The following NDE1 variants were observed in gnomAD, a reference collection of about 807,000 sequenced individuals.
NDE1 encodes the protein nuclear distribution protein nudE homolog 1.
NDE1 carries 28 observed loss-of-function variants against 43.4 expected under a neutral mutation model. That is an observed-to-expected ratio of 0.65 (90% CI 0.48 to 0.89). NDE1 has a LOEUF of 0.89. NDE1 is among the 40% of genes least tolerant of loss of function. The pLI, the probability that NDE1 is intolerant of heterozygous loss-of-function variation, is 0.00. For missense variants in NDE1, 441 were observed against 434.1 expected, an observed-to-expected ratio of 1.02 and a Z score of -0.14; for synonymous variants, 184 against 172.0, an observed-to-expected ratio of 1.07 and a Z score of -0.55.
At position 15,708,850 on chromosome 16, in the gene NDE1, G is replaced by A. The variant is rs745371874; in HGVS notation, c.947+11990G>A. Reference sequence around the variant, plus strand: ...CCTGTGGGGGGGGCCCTCTGAAACAGAGAGAGAATCCCCGGAGGTTACCAT... The same window carrying A: ...CCTGTGGGGGGGGCCCTCTGAAACAAAGAGAGAATCCCCGGAGGTTACCAT... On this transcript the variant is annotated intron_variant, in intron 8 of 8. Coordinates refer to ENST00000396354, the MANE Select transcript of NDE1 (RefSeq NM_017668.3). 6 of 1,607,740 alleles carry A rather than the reference G, an allele frequency of 3.7e-6. No individual in the cohort carries two copies. The East Asian group carries it at 1.3e-4, about 36-fold the overall frequency.
At chr16:15,722,304 A>G (rs184067704) in intron 8 of NDE1, among the ~76,000 whole-genome samples, 16 of 152,336 alleles carry the variant, frequency 1.1e-4, no homozygotes, top group African/African-American at 3.8e-4. Context: ...AAGTATCCTA[A>G]GAGCCTCAGT....
intron 8 of NDE1, chr16:15,701,671 TAAAAG>T (rs957597548): frequency 5.9e-5 from 9 of 152,308 alleles, no homozygotes; most frequent in African/African-American, 1.9e-4. Context: ...GGACACGAGT[TAAAAG>T]AACACACTAA....
intron 8 of NDE1, among the ~76,000 whole-genome samples, chr16:15,723,777 G>C (rs2040604375): frequency 6.6e-6 from 1 of 152,158 alleles, no homozygotes; most frequent in African/African-American, 2.4e-5. Context: ...TGAAATCTTA[G>C]GGAAGAGTGG....
intron 8 of NDE1, chr16:15,720,444 C>G: frequency 7.8e-7 from 1 of 1,277,846 alleles, no homozygotes; most frequent in Admixed American, 2.0e-5. Flanking sequence ...TCCCCAGTTG[C>G]AGATGAGAAA....
chr16:15,659,181 G>C (rs112901255), intron 1 of NDE1, among the ~76,000 whole-genome samples: 245 of 152,248 alleles, frequency 1.6e-3, no homozygotes, highest in African/African-American at 5.5e-3. Context: ...GGTTCTGCAT[G>C]AATTAGGCCC....
chr16:15,655,681 T>C (rs2036726256), intron 1 of NDE1, among the ~76,000 whole-genome samples: 1 of 151,974 alleles, frequency 6.6e-6, no homozygotes, highest in Admixed American at 6.6e-5. Flanking sequence ...CATGCACACG[T>C]ATGTTTATTG....
chr16:15,656,924 G>C (rs2036795939), intron 1 of NDE1, among the ~76,000 whole-genome samples: 1 of 152,134 alleles, frequency 6.6e-6, no homozygotes, highest in Admixed American at 6.6e-5. Flanking sequence ...GAAATGTGTA[G>C]AAAACTATGC....
At chr16:15,693,116 C>G (rs1050965591) in intron 6 of NDE1, among the ~76,000 whole-genome samples, 3 of 152,080 alleles carry the variant, frequency 2.0e-5, no homozygotes, top group Non-Finnish European at 4.4e-5. Context: ...ATTCTCATGC[C>G]TCAGCCTCCC....
At position 15,725,294 on chromosome 16, in the gene NDE1, G is replaced by A; in HGVS notation, c.*1043G>A. 1.7e-6 allele frequency: 1 copy of A among 573,200 alleles called. No individual in the cohort carries two copies. Among genetic ancestry groups the A allele is most frequent in the Non-Finnish European group, 3.1e-6 (1 of 323,902 alleles). The allele number at this position is 573,200 out of a possible 1,614,324, so 35.5% of individuals were successfully genotyped here. A position where few individuals can be genotyped will look rare whatever the true frequency, so the allele number is the denominator to read the frequency against. On this transcript the variant is annotated 3_prime_UTR_variant, in exon 9 of 9. Coordinates refer to ENST00000396354, the MANE Select transcript of NDE1 (RefSeq NM_017668.3). ...GACTGGGACCTGATCCCACTAAATG[G>A]ATCCTAGATCCCTGCCAAGGTTGGT...
At chr16:15,678,062 C>T (rs2037978947) in intron 4 of NDE1, 113 bp downstream of exon 4, 26 of 1,333,822 alleles carry the variant, frequency 1.9e-5, no homozygotes, top group Non-Finnish European at 2.1e-5. Context: ...GTGAGCAGAA[C>T]AAAGCCAGTG....
chr16:15,716,118 AAAG>A (rs2040118979), intron 8 of NDE1, among the ~76,000 whole-genome samples: 1 of 151,846 alleles, frequency 6.6e-6, no homozygotes, highest in Non-Finnish European at 1.5e-5. Context: ...TAAAAATAAA[AAAG>A]TCTTGCTATG....
chr16:15,685,839 C>T (rs2038409242), intron 4 of NDE1, among the ~76,000 whole-genome samples: 1 of 151,850 alleles, frequency 6.6e-6, no homozygotes. Context: ...CTGTGGGATA[C>T]AGTTAGCAGG....
chr16:15,716,515 G>GT (rs1286085792), intron 8 of NDE1, among the ~76,000 whole-genome samples: 48 of 151,758 alleles, frequency 3.2e-4, no homozygotes, highest in South Asian at 1.5e-3. Flanking sequence ...GTTTTTTGGG[G>GT]TTTTTTTTGT....
chr16:15,675,427 T>G (rs1191744046), intron 3 of NDE1, among the ~76,000 whole-genome samples: 3 of 149,330 alleles, frequency 2.0e-5, no homozygotes, highest in South Asian at 2.1e-4. Context: ...ATTTTGGGTT[T>G]TTTTTTTTTT....
chr16:15,691,721 A>G (rs536713376), intron 6 of NDE1, among the ~76,000 whole-genome samples: 1 of 150,174 alleles, frequency 6.7e-6, no homozygotes, highest in African/African-American at 2.5e-5. Context: ...GCTCACTGCA[A>G]CCTCTTCATC....
chr16:15,701,995 T>G (rs1001650086), intron 8 of NDE1: 1 of 152,234 alleles, frequency 6.6e-6, no homozygotes, highest in African/African-American at 2.4e-5. Flanking sequence ...GTGAAAAACT[T>G]TTTTTAACCA....
rs558517270 is a variant in NDE1 at position 15,716,014 on chromosome 16, C to T, written c.948-8177C>T. Among the ~76,000 whole-genome samples, 7 of 152,238 alleles carry T rather than the reference C, an allele frequency of 4.6e-5. No individual in the cohort carries two copies. In the East Asian group the frequency reaches 1.4e-3, roughly 29 times the overall value. On this transcript the variant is annotated intron_variant, in intron 8 of 8. Coordinates refer to ENST00000396354, the MANE Select transcript of NDE1 (RefSeq NM_017668.3). Reference sequence around the variant, plus strand: ...CAGTGGTGTGCACCTGTAGTCCCAGCTACTTGGGAGGGTGAGGCGGAGGTT... The same window carrying T: ...CAGTGGTGTGCACCTGTAGTCCCAGTTACTTGGGAGGGTGAGGCGGAGGTT...
In NDE1 at chr16:15,708,236, C is replaced by A. The variant is rs974334054; in HGVS notation, c.947+11376C>A. 4.6e-5 allele frequency among the ~76,000 whole-genome samples: 7 copies of A among 152,182 alleles called. No homozygotes were observed. In the South Asian group the frequency reaches 6.2e-4, roughly 13 times the overall value. The stretch of plus-strand genomic sequence containing the variant: ...CATTTGTCAGACATCGCAGTGAGCT[C>A]ATTTCCTTCGCAGACAAGCCTGTGA... On this transcript the variant is annotated intron_variant, in intron 8 of 8. Coordinates refer to ENST00000396354, the MANE Select transcript of NDE1 (RefSeq NM_017668.3).
At chr16:15,700,578 A>G (rs35669440) in intron 8 of NDE1, 5,800 of 151,774 alleles carry the variant, frequency 0.038, 153 homozygotes, top group South Asian at 0.094. Context: ...CAGCTTCCCA[A>G]GTAGCTGGGA....
Sources: allele counts gnomAD v4.1 joint callset (sites outside exome capture counted in the v4.1 genomes callset), GRCh38; gene constraint gnomAD v4.1.1; transcripts MANE v1.5; gene names NCBI Gene and HGNC (gene_info 2026-07-23, HGNC 2026-07-21).